The following GPC5 variants were observed in gnomAD, a reference collection of about 807,000 sequenced individuals.
GPC5 encodes the protein glypican 5.
In GPC5, 47 loss-of-function variants were observed where a neutral mutation model predicts 53.9. The observed-to-expected ratio is 0.87, with a 90% CI of 0.69 to 1.11. The LOEUF is 1.11. Among genes scored for constraint, GPC5 ranks in the 50% most tolerant of loss-of-function variants. The pLI is 0.00. For synonymous variants in GPC5, 286 were observed against 263.3 expected, an observed-to-expected ratio of 1.09 and a Z score of -0.84; for missense variants, 748 against 713.1, an observed-to-expected ratio of 1.05 and a Z score of -0.56.
At chr13:91,854,338 A>G (rs2038944853) in intron 5 of GPC5, among the ~76,000 whole-genome samples, 1 of 151,788 alleles carries the variant, frequency 6.6e-6, no homozygotes, top group Admixed American at 6.6e-5. Flanking sequence ...TAATAATCAC[A>G]TCATGGAAAA....
At chr13:91,791,341 G>A (rs376155671) in intron 5 of GPC5, among the ~76,000 whole-genome samples, 6 of 152,202 alleles carry the variant, frequency 3.9e-5, no homozygotes, top group East Asian at 3.9e-4. Context: ...AGACACAGCC[G>A]CTACCTAGAT....
intron 7 of GPC5, among the ~76,000 whole-genome samples, chr13:92,586,164 G>A (rs1455978889): frequency 2.0e-5 from 3 of 152,212 alleles, no homozygotes; most frequent in Non-Finnish European, 4.4e-5. Flanking sequence ...ACAGAATGGT[G>A]TCAAGCTTGC....
intron 2 of GPC5, among the ~76,000 whole-genome samples, chr13:91,658,724 T>C (rs887773041): frequency 1.3e-5 from 2 of 152,206 alleles, no homozygotes; most frequent in Non-Finnish European, 2.9e-5. Flanking sequence ...TCTGTCAGCC[T>C]GATTCTCCGG....
intron 7 of GPC5, among the ~76,000 whole-genome samples, chr13:92,179,241 A>T (rs1013925967): frequency 5.3e-5 from 8 of 152,144 alleles, no homozygotes; most frequent in African/African-American, 1.9e-4. Context: ...ACCTAAAAAA[A>T]TTTTCAATTA....
chr13:91,695,882 A>G (rs2035870124), intron 3 of GPC5, among the ~76,000 whole-genome samples: 1 of 152,182 alleles, frequency 6.6e-6, no homozygotes, highest in South Asian at 2.1e-4. Context: ...TGTGTCCTTA[A>G]AATCTATCCT....
chr13:92,851,550 C>T (rs1429911745), intron 7 of GPC5, among the ~76,000 whole-genome samples: 1 of 152,040 alleles, frequency 6.6e-6, no homozygotes, highest in Admixed American at 6.6e-5. Flanking sequence ...TATGTTTTCT[C>T]TTGAATTTAG....
intron 5 of GPC5, among the ~76,000 whole-genome samples, chr13:91,895,053 TA>T (rs111823854): frequency 0.053 from 6,564 of 123,598 alleles, 313 homozygotes; most frequent in African/African-American, 0.14. Flanking sequence ...ATCCCTAACT[TA>T]AAAAAAAAAA....
At chr13:92,682,245 T>G (rs1361763797) in intron 7 of GPC5, among the ~76,000 whole-genome samples, 2 of 152,234 alleles carry the variant, frequency 1.3e-5, no homozygotes, top group Non-Finnish European at 2.9e-5. Context: ...CAAAAATTTA[T>G]TCTGTAATAG....
At chr13:91,664,492 T>C (rs1254915096) in intron 2 of GPC5, among the ~76,000 whole-genome samples, 4 of 152,248 alleles carry the variant, frequency 2.6e-5, no homozygotes, top group Non-Finnish European at 5.9e-5. Context: ...GTTTTGAGTT[T>C]TATTTTGGAT....
rs1874872954 is a variant in GPC5, at chr13:92,756,363, C to T, written c.1562-109919C>T. On this transcript the variant is annotated intron_variant, in intron 7 of 7. Coordinates refer to ENST00000377067, the MANE Select transcript of GPC5 (RefSeq NM_004466.6). ...ATAAGAGCTATCTATGACAAACCCA[C>T]AGCCAATATCATACTGAATGGACAA... 2.6e-5 allele frequency among the ~76,000 whole-genome samples: 4 copies of T among 151,968 alleles called. No individual in the cohort carries two copies. In the South Asian group the frequency reaches 8.3e-4, roughly 32 times the overall value.
chr13:92,078,566 T>G (rs2041270608), intron 6 of GPC5, among the ~76,000 whole-genome samples: 2 of 152,222 alleles, frequency 1.3e-5, no homozygotes, highest in South Asian at 4.1e-4. Flanking sequence ...CTGTTCTGTC[T>G]CACACTCTTT....
At chr13:92,234,293 T>C (rs949564323) in intron 7 of GPC5, among the ~76,000 whole-genome samples, 1 of 152,188 alleles carries the variant, frequency 6.6e-6, no homozygotes, top group East Asian at 1.9e-4. Context: ...AAAGTGTTCC[T>C]CTTTCTCCAC....
chr13:92,494,150 C>T (rs532093167), intron 7 of GPC5, among the ~76,000 whole-genome samples: 9 of 151,592 alleles, frequency 5.9e-5, no homozygotes, highest in East Asian at 1.9e-4. Context: ...AGTGCAGTGG[C>T]GCGATCTCGG....
chr13:92,114,858 ATT>A (rs2041587943), intron 6 of GPC5, among the ~76,000 whole-genome samples: 1 of 152,152 alleles, frequency 6.6e-6, no homozygotes, highest in Non-Finnish European at 1.5e-5. Flanking sequence ...AATGGGGAGT[ATT>A]TTTCAAAATG....
At chr13:91,825,631 T>C (rs2138843775) in intron 5 of GPC5, among the ~76,000 whole-genome samples, 1 of 152,168 alleles carries the variant, frequency 6.6e-6, no homozygotes, top group East Asian at 1.9e-4. Flanking sequence ...GGAAGGGATT[T>C]GATCCCTGAA....
intron 7 of GPC5, among the ~76,000 whole-genome samples, chr13:92,422,285 A>G (rs2139363586): frequency 6.6e-6 from 1 of 152,176 alleles, no homozygotes. Flanking sequence ...TTGCTCCTTA[A>G]TGGCAGACAT....
chr13:91,902,132 C>A (rs1374596870), intron 5 of GPC5, among the ~76,000 whole-genome samples: 1 of 151,958 alleles, frequency 6.6e-6, no homozygotes, highest in African/African-American at 2.4e-5. Context: ...TCCCCTGAAA[C>A]TGTGTAAGTG....
rs142555844 is a variant in GPC5, at chr13:92,555,693, A to G, written c.1562-310589A>G. On this transcript the variant is annotated intron_variant, in intron 7 of 7. Transcript: ENST00000377067. ...TATAAGAATATGGGCTTTTAGGATG[A>G]AAACACATATTGAATAAAACATAAA... Among the ~76,000 whole-genome samples, 599 of 149,922 alleles carry G rather than the reference A, an allele frequency of 4.0e-3. 7 individuals are homozygous for G. Among genetic ancestry groups the G allele is most frequent in the African/African-American group, 0.014 (583 of 41,172 alleles).
chr13:92,467,737 C>T (rs1878753580), intron 7 of GPC5, among the ~76,000 whole-genome samples: 1 of 152,076 alleles, frequency 6.6e-6, no homozygotes, highest in African/African-American at 2.4e-5. Context: ...TCAGTATTGC[C>T]TAGATGTAGG....
Sources: gnomAD v4.1 joint callset for allele counts (sites outside exome capture counted in the v4.1 genomes callset) on GRCh38, gnomAD v4.1.1 for gene constraint, MANE v1.5 for transcripts, NCBI Gene and HGNC (gene_info 2026-07-23, HGNC 2026-07-21) for gene names.